Variants in FAM153A observed in about 807,000 individuals in gnomAD.
FAM153A encodes the protein family with sequence similarity 153 member A.
In FAM153A, 12 loss-of-function variants were observed where a neutral mutation model predicts 48.1. The observed-to-expected ratio is 0.25, with a 90% CI of 0.16 to 0.40. The LOEUF is 0.40. Among genes scored for constraint, FAM153A ranks in the 10% least tolerant of loss-of-function variants. The pLI is 1.00. For synonymous variants in FAM153A, 36 were observed against 118.2 expected (o/e 0.30, Z 4.51); for missense variants, 111 against 345.8 (o/e 0.32, Z 5.38).
chr5:177,754,299 G>A (rs1161195237), upstream of FAM153A, among the ~76,000 whole-genome samples: 99 of 151,976 alleles, frequency 6.5e-4, no homozygotes, highest in African/African-American at 2.4e-3. Context: ...AGGGGCGCCC[G>A]CCATTGCCCA....
upstream of FAM153A, among the ~76,000 whole-genome samples, chr5:177,753,966 T>G (rs962854900): frequency 1.3e-5 from 2 of 151,886 alleles, no homozygotes; most frequent in African/African-American, 4.9e-5. Context: ...GCTCACCTCA[T>G]TGGGGATTGT....
Position 177,732,621 on chromosome 5 carries a change from C to T in FAM153A, c.761-521G>A, listed in dbSNP as rs1332284534. Among the ~76,000 whole-genome samples the T allele has an allele frequency of 2.1e-5, 2 of 93,946 alleles. 1 individual carries two copies. The highest frequency in any genetic ancestry group is 4.4e-5 in the Non-Finnish European group (2 of 45,460). 61.6% of individuals were successfully genotyped at this position (93,946 alleles called of 152,430 possible). A position where few individuals can be genotyped will look rare whatever the true frequency, so the allele number is the denominator to read the frequency against. On this transcript the variant is annotated intron_variant, in intron 14 of 20. Coordinates refer to ENST00000614127, the Ensembl canonical transcript of FAM153A. ...TGCCACCTGGGTTCAAGGGATTCTC[C>T]AGTGTCAGCCTCCTGAGTAGCTAGG...
upstream of FAM153A, among the ~76,000 whole-genome samples, chr5:177,754,639 T>A (rs1182663313): frequency 6.6e-6 from 1 of 151,714 alleles, no homozygotes; most frequent in African/African-American, 2.4e-5. Flanking sequence ...GACACAAAAC[T>A]TCCAGAGGAA....
rs760706889 is a variant in FAM153A at position 177,715,987 on chromosome 5, C to CT, written c.*1222+357dup. 4.8e-3 allele frequency among the ~76,000 whole-genome samples: 676 copies of CT among 141,090 alleles called. 3 individuals are homozygous for CT. Among genetic ancestry groups the CT allele is most frequent in the Middle Eastern group, 0.011 (3 of 272 alleles). 92.6% of individuals were successfully genotyped at this position (141,090 alleles called of 152,430 possible). On this transcript the variant is annotated intron_variant and NMD_transcript_variant, in intron 25 of 26. Transcript: ENST00000360669. ...CATCATGCCCAGCTTAGATTAAATA[C>CT]TTTTTTTTTTTTTTTCAGATGGAGT...
chr5:177,698,119 A>G, the FAM153A span, among the ~76,000 whole-genome samples: 16 of 151,728 alleles, frequency 1.1e-4, no homozygotes, highest in East Asian at 1.9e-4. Context: ...ATGGCTCTTT[A>G]GTTCTAGTTA....
At chr5:177,706,569 TC>T (rs1757910223), downstream of FAM153A, 1 of 151,930 alleles carries the variant, frequency 6.6e-6, no homozygotes, top group Non-Finnish European at 1.5e-5. Context: ...TTTAGACAAA[TC>T]AAGACAATTT....
upstream of FAM153A, among the ~76,000 whole-genome samples, chr5:177,754,063 G>T (rs1435177007): frequency 6.6e-6 from 1 of 151,892 alleles, no homozygotes; most frequent in African/African-American, 2.4e-5. Flanking sequence ...GAAGTGCAAA[G>T]GGTCAGGGAA....
upstream of FAM153A, among the ~76,000 whole-genome samples, chr5:177,781,419 C>T (rs558701696): frequency 4.8e-4 from 62 of 128,248 alleles, 3 homozygotes; most frequent in African/African-American, 1.7e-3. Flanking sequence ...CCGCGCCCAG[C>T]CCTAAAATTT....
At chr5:177,766,043 G>A (rs1768727587) in intron 1 of FAM153A, among the ~76,000 whole-genome samples, 1 of 108,878 alleles carries the variant, frequency 9.2e-6, no homozygotes, top group Non-Finnish European at 2.1e-5. Flanking sequence ...CTTGAACTCG[G>A]GCGGCAGAGG....
chr5:177,769,069 C>CA lies in FAM153A; in HGVS notation c.-57+11379dup, dbSNP rs1356659927. ...AAACCCCACCTCTACTAAAGAAATC[C>CA]AAAAAAAAAAAAAAATAGCCGGGCT... On this transcript the variant is annotated intron_variant, in intron 1 of 8. Coordinates refer to the FAM153A transcript ENST00000393518. Among the ~76,000 whole-genome samples, 389 of 63,028 alleles carry CA rather than the reference C, an allele frequency of 6.2e-3. 81 individuals carry two copies. The highest frequency in any genetic ancestry group is 0.016 in the African/African-American group (250 of 15,662). The allele number at this position is 63,028 out of a possible 152,430, so 41.3% of individuals were successfully genotyped here. A position where few individuals can be genotyped will look rare whatever the true frequency, so the allele number is the denominator to read the frequency against.
At chr5:177,723,573 CT>C (rs1377938137) in exon 21 of FAM153A, 1 of 161,724 alleles carries the variant, frequency 6.2e-6, no homozygotes, top group East Asian at 1.8e-4. Context: ...CCCACAGAGG[CT>C]GAAGGACCCC....
chr5:177,716,252 G>T (rs1201344340), intron 25 of FAM153A: 1 of 151,866 alleles, frequency 6.6e-6, no homozygotes, highest in Non-Finnish European at 1.5e-5. Flanking sequence ...AAAGTGCTGG[G>T]ATGACAGGCG....
upstream of FAM153A, among the ~76,000 whole-genome samples, chr5:177,755,265 CGAGAA>C (rs1767604155): frequency 6.6e-6 from 1 of 150,934 alleles, no homozygotes; most frequent in Non-Finnish European, 1.5e-5. Flanking sequence ...TGAAATGAAG[CGAGAA>C]GAGAAGTTTA....
At chr5:177,712,940 C>T (rs1406065403) in exon 27 of FAM153A, 2 of 151,902 alleles carry the variant, frequency 1.3e-5, no homozygotes. Context: ...GGTCCGCTCC[C>T]ATACACAAAC....
chr5:177,716,830 G>A (rs564575231), intron 24 of FAM153A, among the ~76,000 whole-genome samples: 11 of 151,754 alleles, frequency 7.2e-5, no homozygotes, highest in Non-Finnish European at 1.6e-4. Flanking sequence ...ACAGGGTCTT[G>A]CTCTGTCACC....
At position 177,771,954 on chromosome 5, in the gene FAM153A, C is replaced by T; in HGVS notation, c.-57+8495G>A. Among the ~76,000 whole-genome samples, 2 of 95,474 alleles carry T rather than the reference C, an allele frequency of 2.1e-5. 1 individual carries two copies. Among genetic ancestry groups the T allele is most frequent in the Admixed American group, 2.2e-4 (2 of 9,148 alleles). 62.6% of individuals were successfully genotyped at this position (95,474 alleles called of 152,430 possible). A position where few individuals can be genotyped will look rare whatever the true frequency, so the allele number is the denominator to read the frequency against. On this transcript the variant is annotated intron_variant, in intron 1 of 8. Transcript: ENST00000393518. ...ACTTGACCACCACATGCACCTTTTC[C>T]CTCTCATTTTGCTTGTACTCTTTCA...
chr5:177,706,931 C>T (rs1582099255), downstream of FAM153A: 1 of 151,726 alleles, frequency 6.6e-6, no homozygotes, highest in Admixed American at 6.6e-5. Flanking sequence ...GGCTTTAAGT[C>T]AAAAAAGCAC....
chr5:177,698,455 G>A, the FAM153A span, among the ~76,000 whole-genome samples: 1 of 151,782 alleles, frequency 6.6e-6, no homozygotes, highest in East Asian at 1.9e-4. Context: ...CTTGGACACG[G>A]TCACTTCTCC....
At chr5:177,715,742 C>T (rs1438814760) in intron 25 of FAM153A, among the ~76,000 whole-genome samples, 2 of 151,758 alleles carry the variant, frequency 1.3e-5, no homozygotes. Flanking sequence ...GGCCCACTGT[C>T]ATCCAGCCTG....
Sources: allele counts gnomAD v4.1 joint callset (sites outside exome capture counted in the v4.1 genomes callset), GRCh38; gene constraint gnomAD v4.1.1; transcripts MANE v1.5; gene names NCBI Gene and HGNC (gene_info 2026-07-23, HGNC 2026-07-21).